The following POLR1A variants were observed in gnomAD, a reference collection of about 807,000 sequenced individuals.
POLR1A encodes the protein RNA polymerase I subunit A.
A neutral mutation model predicts 205.3 loss-of-function variants in POLR1A; 84 were observed. The ratio of observed to expected loss-of-function variants is 0.41; its 90% CI spans 0.34 to 0.49. POLR1A has a LOEUF of 0.49. Among genes scored for constraint, POLR1A ranks in the 20% least tolerant of loss-of-function variants. The probability of loss-of-function intolerance (pLI) is 0.22; values close to 1 mark genes in which losing one functional copy is unlikely to be tolerated. For missense variants in POLR1A, 1,645 were observed against 2,204.5 expected, an observed-to-expected ratio of 0.75 and a Z score of 5.08; for synonymous variants, 799 against 863.7, an observed-to-expected ratio of 0.93 and a Z score of 1.31.
At chr2:86,044,027 C>A in intron 22 of POLR1A, 112 bp downstream of exon 22, 1 of 994,712 alleles carries the variant, frequency 1.0e-6, no homozygotes, top group Non-Finnish European at 1.5e-6. Context: ...TCCCACTCTA[C>A]TTTCCAATGG....
intron 4 of POLR1A, 102 bp downstream of exon 4, chr2:86,089,720 G>T: frequency 2.7e-6 from 2 of 735,638 alleles, no homozygotes; most frequent in Non-Finnish European, 4.8e-6. Context: ...TGCAAACTCA[G>T]GTCTACTTTG....
chr2:86,098,361 TTG>T (rs1673746989), intron 3 of POLR1A, among the ~76,000 whole-genome samples: 3 of 152,236 alleles, frequency 2.0e-5, no homozygotes, highest in African/African-American at 7.2e-5. Flanking sequence ...GATTGAATCC[TTG>T]GTCCAGAAAA....
chr2:86,023,464 T>G lies in POLR1A; in HGVS notation c.*3959A>C, dbSNP rs1425170611. ...CAAGCAACAGACACTCCTTAAGTGGTTCCTAACTCTCCCCAGGTGCAGAAC... is the reference window on the plus strand; with the variant it reads ...CAAGCAACAGACACTCCTTAAGTGGGTCCTAACTCTCCCCAGGTGCAGAAC... On this transcript the variant is annotated 3_prime_UTR_variant, in exon 34 of 34. Transcript: ENST00000263857. 1.3e-5 allele frequency: 2 copies of G among 152,174 alleles called. No homozygotes were observed. Among genetic ancestry groups the G allele is most frequent in the African/African-American group, 2.4e-5 (1 of 41,430 alleles). 9.4% of individuals were successfully genotyped at this position (152,174 alleles called of 1,614,324 possible).
At position 86,100,115 on chromosome 2, in the gene POLR1A, T is replaced by C; in HGVS notation, c.135A>G (p.Pro45=). The C allele has an allele frequency of 4.3e-6, 7 of 1,614,224 alleles. No homozygotes were observed. The highest frequency in any genetic ancestry group is 3.3e-5 in the South Asian group (3 of 91,090). ...CTAAATCGTACAGGCCGTTTGCCGA[T>C]GGGTTCCCCAGGCTGTCCAGGTATC... ...NPRYLDSLGN[P]SANGLYDLAL... The change falls in exon 2 of 34, where the codon CCA becomes CCG. Residue 45 remains proline (P), a synonymous_variant. Transcript: ENST00000263857.
intron 30 of POLR1A, 139 bp from the exon 31 acceptor site, chr2:86,030,535 G>T: frequency 1.6e-6 from 1 of 642,616 alleles, no homozygotes. Flanking sequence ...CCAGCAGGTA[G>T]TCTGAACATT....
chr2:86,098,340 G>C (rs1330638694), intron 3 of POLR1A, among the ~76,000 whole-genome samples: 1 of 152,176 alleles, frequency 6.6e-6, no homozygotes, highest in East Asian at 1.9e-4. Context: ...TCTTTTGATT[G>C]AATAAACCTT....
rs377219446 is a variant in POLR1A at position 86,032,295 on chromosome 2, G to A, written c.4249C>T (p.Arg1417Cys). The change falls in exon 29 of 34, where the codon CGC becomes TGC. Residue 1417 changes from arginine (R) to cysteine (C), a missense_variant. By Grantham distance (180) the Arg-to-Cys change is radical (BLOSUM62 -3). Coordinates refer to ENST00000263857, the MANE Select transcript of POLR1A (RefSeq NM_015425.6). Reference protein sequence around the residue: ...EGDADASDAKRKEKQEEEVDY... With the variant: ...EGDADASDAKCKEKQEEEVDY... ...ACCTCCTCCTCCTGCTTCTCCTTGC[G>A]TTTGGCATCAGAGGCATCGGCGTCC... 12 of 1,612,388 alleles carry A rather than the reference G, an allele frequency of 7.4e-6. No homozygotes were observed. Among genetic ancestry groups the A allele is most frequent in the African/African-American group, 5.3e-5 (4 of 74,884 alleles).
chr2:86,095,735 T>C (rs944542416), intron 3 of POLR1A, among the ~76,000 whole-genome samples: 1 of 151,052 alleles, frequency 6.6e-6, no homozygotes, highest in African/African-American at 2.4e-5. Flanking sequence ...CTTTTCTTTT[T>C]TTTTTTTTTT....
chr2:86,074,833 T>G (rs1169108445), intron 12 of POLR1A, among the ~76,000 whole-genome samples, 197 bp downstream of exon 12: 1 of 152,114 alleles, frequency 6.6e-6, no homozygotes, highest in Non-Finnish European at 1.5e-5. Flanking sequence ...GCCCTTTGAG[T>G]AGTCCTGTTT....
intron 8 of POLR1A, among the ~76,000 whole-genome samples, chr2:86,081,357 C>T (rs911627351): frequency 2.0e-4 from 30 of 152,140 alleles, no homozygotes; most frequent in Non-Finnish European, 2.9e-5. Context: ...GGTCATGCCA[C>T]TGCACTCCAG....
chr2:86,027,290 C>T lies in POLR1A; in HGVS notation c.*133G>A. 2 of 731,394 alleles carry T rather than the reference C, an allele frequency of 2.7e-6. No homozygotes were observed. The highest frequency in any genetic ancestry group is 2.5e-5 in the East Asian group (1 of 39,670). The allele number at this position is 731,394 out of a possible 1,614,324, so 45.3% of individuals were successfully genotyped here. ...GGCCCACTGCTTTCAGGCCCAAGGTCGCTGCTGTGCTCTGTACTGTCACTT... is the reference window on the plus strand; with the variant it reads ...GGCCCACTGCTTTCAGGCCCAAGGTTGCTGCTGTGCTCTGTACTGTCACTT... On this transcript the variant is annotated 3_prime_UTR_variant, in exon 34 of 34. Coordinates refer to ENST00000263857, the MANE Select transcript of POLR1A (RefSeq NM_015425.6).
chr2:86,068,882 C>A (rs954323622), intron 13 of POLR1A, among the ~76,000 whole-genome samples: 2 of 152,218 alleles, frequency 1.3e-5, no homozygotes, highest in Non-Finnish European at 2.9e-5. Flanking sequence ...AATAGAGAAG[C>A]TCCAAGGAGC....
intron 16 of POLR1A, among the ~76,000 whole-genome samples, chr2:86,051,678 G>C (rs2104397856): frequency 1.3e-5 from 2 of 152,370 alleles, no homozygotes; most frequent in Middle Eastern, 3.4e-3. Context: ...TGGAGGTGCA[G>C]TGTCCTCCAT....
intron 1 of POLR1A, 108 bp from the exon 2 acceptor site, chr2:86,100,280 AG>A (rs1023887564): frequency 6.2e-5 from 50 of 807,116 alleles, no homozygotes; most frequent in Non-Finnish European, 8.7e-5. Flanking sequence ...CCTGCTTGAT[AG>A]CTCTGGAGGG....
chr2:86,089,772 T>A (rs1673568640), intron 4 of POLR1A, 50 bp downstream of exon 4: 1 of 1,111,670 alleles, frequency 9.0e-7, no homozygotes, highest in Admixed American at 1.7e-5. Context: ...AGAGGGAAAG[T>A]GATAAAATGA....
At chr2:86,034,391 C>T (rs3755005) in intron 27 of POLR1A, among the ~76,000 whole-genome samples, 1,654 of 152,280 alleles carry the variant, frequency 0.011, 33 homozygotes, top group East Asian at 0.098. Context: ...AAGGGCTCAT[C>T]AAAATTTCGA....
intron 25 of POLR1A, chr2:86,040,155 G>A (rs3770086): frequency 3.1e-5 from 12 of 385,944 alleles, no homozygotes; most frequent in South Asian, 1.8e-4. Flanking sequence ...CCCCAGGAAC[G>A]TGGATGCAGG....
intron 9 of POLR1A, among the ~76,000 whole-genome samples, chr2:86,079,971 C>T (rs1165212215): frequency 2.0e-5 from 3 of 152,134 alleles, no homozygotes; most frequent in Admixed American, 2.0e-4. Flanking sequence ...GTCTTTTACA[C>T]TAAGGAGTTT....
intron 14 of POLR1A, among the ~76,000 whole-genome samples, chr2:86,062,802 A>G (rs960087260): frequency 1.3e-5 from 2 of 152,216 alleles, no homozygotes; most frequent in African/African-American, 4.8e-5. Context: ...CAAACTGATC[A>G]GGAAAAAAGA....
Sources: allele counts gnomAD v4.1 joint callset (sites outside exome capture counted in the v4.1 genomes callset), GRCh38; gene constraint gnomAD v4.1.1; transcripts MANE v1.5; gene names NCBI Gene and HGNC (gene_info 2026-07-23, HGNC 2026-07-21).